CDC14B: variants seen among roughly 807,000 people sequenced by gnomAD.
CDC14B encodes dual specificity protein phosphatase CDC14B.
In CDC14B, 22 loss-of-function variants were observed where a neutral mutation model predicts 64.2. The ratio of observed to expected loss-of-function variants is 0.34; its 90% CI spans 0.24 to 0.49. The LOEUF is 0.49. Among genes scored for constraint, CDC14B ranks in the 20% least tolerant of loss-of-function variants. The pLI is 0.99. For missense variants in CDC14B, 498 were observed against 629.9 expected (o/e 0.79, Z 2.24); for synonymous variants, 191 against 215.8 (o/e 0.89, Z 1.01).
intron 13 of CDC14B, among the ~76,000 whole-genome samples, chr9:96,507,324 A>T (rs1169808198): frequency 6.6e-6 from 1 of 151,988 alleles, no homozygotes. Context: ...AAAAAAAAAA[A>T]AAAAAGCCTG....
chr9:96,562,588 G>A, intron 4 of CDC14B, 105 bp downstream of exon 4: 1 of 808,694 alleles, frequency 1.2e-6, no homozygotes, highest in Non-Finnish European at 2.1e-6. Context: ...CGTTCTTTCT[G>A]AAGAGAAATC....
rs150925692 is a variant in CDC14B at position 96,586,183 on chromosome 9, G to A, written c.161-20700C>T. ...TTGATTTTTTTAAAACCTGGGGTGG[G>A]GGAGGGAAGGCCACCCAAAAACTCT... On this transcript the variant is annotated intron_variant, in intron 1 of 13. Transcript: ENST00000375241. Among the ~76,000 whole-genome samples, 58 of 152,110 alleles carry A rather than the reference G, an allele frequency of 3.8e-4. No individual in the cohort carries two copies. The East Asian group carries it at 0.01, about 27-fold the overall frequency.
intron 4 of CDC14B, among the ~76,000 whole-genome samples, chr9:96,553,395 G>A (rs1345683954): frequency 7.6e-6 from 1 of 131,604 alleles, no homozygotes; most frequent in East Asian, 2.2e-4. Flanking sequence ...TTTCACTCTT[G>A]TCGCCTAGGC....
rs553698135 is a variant in CDC14B at position 96,533,846 on chromosome 9, A to G, written c.946+81T>C. 2.3e-4 allele frequency: 189 copies of G among 826,894 alleles called. No homozygotes were observed. The African/African-American group carries it at 2.9e-3, about 12-fold the overall frequency. The allele number at this position is 826,894 out of a possible 1,614,324, so 51.2% of individuals were successfully genotyped here. ...AAGGCAGTTTCATGTTCTGACACAT[A>G]AACTAAATGAATATGGTCTGTTTCT... is the stretch of plus-strand genomic sequence containing the variant. On this transcript the variant is annotated intron_variant, in intron 9 of 13. Transcript: ENST00000375241.
chr9:96,612,603 A>G (rs1564395691), intron 1 of CDC14B, among the ~76,000 whole-genome samples: 1 of 152,212 alleles, frequency 6.6e-6, no homozygotes, highest in Non-Finnish European at 1.5e-5. Context: ...AGCTGGCCTC[A>G]TAGAATTGGC....
At chr9:96,532,968 T>C (rs1188232702) in intron 9 of CDC14B, among the ~76,000 whole-genome samples, 1 of 152,158 alleles carries the variant, frequency 6.6e-6, no homozygotes, top group Non-Finnish European at 1.5e-5. Context: ...ATAGCTTCTG[T>C]GGATTTATTT....
intron 1 of CDC14B, 149 bp downstream of exon 1, chr9:96,619,070 G>C (rs1286159768): frequency 1.6e-5 from 8 of 500,826 alleles, no homozygotes; most frequent in Admixed American, 4.7e-5. Flanking sequence ...TCCTAAAGGG[G>C]GTGTGGCGGC....
At chr9:96,537,773 A>G (rs1394467066) in intron 7 of CDC14B, among the ~76,000 whole-genome samples, 1 of 152,002 alleles carries the variant, frequency 6.6e-6, no homozygotes, top group East Asian at 1.9e-4. Context: ...CCCAGGCTGG[A>G]GTGCAGTGGG....
downstream of CDC14B, among the ~76,000 whole-genome samples, chr9:96,496,602 C>T (rs1031246824): frequency 3.9e-5 from 6 of 152,250 alleles, 1 homozygote; most frequent in South Asian, 6.2e-4. Context: ...GCGGTCCTGC[C>T]GGGGCGCTCC....
chr9:96,565,610 TGGTAATG>T (rs939985521), intron 1 of CDC14B, 127 bp from the exon 2 acceptor site: 23 of 717,568 alleles, frequency 3.2e-5, no homozygotes, highest in Admixed American at 2.9e-4. Context: ...ATGGTAGGAG[TGGTAATG>T]GGTAATTACA....
rs149688369 is a variant in CDC14B, at chr9:96,549,985, C to G, written c.497+1811G>C. ...ACAGTGCGAAATGTGTGAGCATGTT[C>G]CTATTTCAGGACCTTGTGCTGTAAA... On this transcript the variant is annotated intron_variant, in intron 5 of 13. Coordinates refer to ENST00000375241, the MANE Select transcript of CDC14B (RefSeq NM_033331.4). Among the ~76,000 whole-genome samples, 8 of 152,302 alleles carry G rather than the reference C, an allele frequency of 5.3e-5. No homozygotes were observed. The East Asian group carries it at 1.5e-3, about 29-fold the overall frequency.
At chr9:96,507,031 C>T (rs568644255) in intron 13 of CDC14B, among the ~76,000 whole-genome samples, 103 of 152,308 alleles carry the variant, frequency 6.8e-4, no homozygotes, top group South Asian at 3.1e-3. Context: ...CCGTGGCTCA[C>T]GCCTGTAATC....
chr9:96,524,856 A>G (rs1837322137), intron 9 of CDC14B, among the ~76,000 whole-genome samples: 2 of 152,210 alleles, frequency 1.3e-5, no homozygotes, highest in Non-Finnish European at 2.9e-5. Context: ...CTACATATAA[A>G]AAAAATCCTA....
chr9:96,549,417 A>G (rs1164852270), intron 5 of CDC14B, among the ~76,000 whole-genome samples: 1 of 152,214 alleles, frequency 6.6e-6, no homozygotes, highest in Non-Finnish European at 1.5e-5. Flanking sequence ...ATGAAATCCC[A>G]GCACTTTGGG....
intron 1 of CDC14B, among the ~76,000 whole-genome samples, chr9:96,593,143 T>C (rs1209064631): frequency 6.6e-6 from 1 of 152,108 alleles, no homozygotes; most frequent in Non-Finnish European, 1.5e-5. Context: ...AAGACAGGTA[T>C]GAAATTTTAA....
chr9:96,539,759 A>G (rs1839782263), intron 6 of CDC14B, among the ~76,000 whole-genome samples: 1 of 152,260 alleles, frequency 6.6e-6, no homozygotes. Context: ...GTCCTATCCT[A>G]TAGCCTTACT....
intron 4 of CDC14B, among the ~76,000 whole-genome samples, chr9:96,556,919 T>C (rs1842575064): frequency 6.6e-6 from 1 of 152,204 alleles, no homozygotes; most frequent in Admixed American, 6.5e-5. Flanking sequence ...CTATTATTGA[T>C]GGAAGAGGGC....
At chr9:96,557,856 C>T (rs1470990691) in intron 4 of CDC14B, among the ~76,000 whole-genome samples, 2 of 152,174 alleles carry the variant, frequency 1.3e-5, no homozygotes, top group Non-Finnish European at 2.9e-5. Flanking sequence ...TTGCAAGCTA[C>T]GTGCCAAAAG....
intron 4 of CDC14B, among the ~76,000 whole-genome samples, chr9:96,561,709 G>A (rs1397472095): frequency 7.9e-5 from 12 of 150,992 alleles, no homozygotes; most frequent in African/African-American, 2.2e-4. Context: ...GGATGGTCTC[G>A]ATCTCCTGAC....
Sources: allele counts gnomAD v4.1 joint callset (sites outside exome capture counted in the v4.1 genomes callset), GRCh38; gene constraint gnomAD v4.1.1; transcripts MANE v1.5; gene names NCBI Gene and HGNC (gene_info 2026-07-23, HGNC 2026-07-21).